TRAPPC6B: variants seen among roughly 807,000 people sequenced by gnomAD.
The protein encoded by TRAPPC6B is TRAPP complex subunit 6B.
TRAPPC6B carries 27 observed loss-of-function variants against 24.7 expected under a neutral mutation model. The observed-to-expected ratio is 1.09, with a 90% CI of 0.81 to 1.51. The LOEUF (loss-of-function observed/expected upper bound fraction) is 1.51. Ranked by LOEUF, TRAPPC6B falls within the 40% of genes most tolerant of loss-of-function variation. The pLI, the probability that TRAPPC6B is intolerant of heterozygous loss-of-function variation, is 0.00. For missense variants in TRAPPC6B, 212 were observed against 190.8 expected, an observed-to-expected ratio of 1.11 and a Z score of -0.66; for synonymous variants, 80 against 66.6, an observed-to-expected ratio of 1.20 and a Z score of -0.98.
intron 1 of TRAPPC6B, among the ~76,000 whole-genome samples, chr14:39,168,297 T>C (rs1033115823): frequency 1.3e-5 from 2 of 151,100 alleles, no homozygotes; most frequent in East Asian, 1.9e-4. Flanking sequence ...CGCAAGTGGT[T>C]TGGGGGGATC....
At chr14:39,169,502 A>G (rs534707731) in intron 1 of TRAPPC6B, among the ~76,000 whole-genome samples, 5 of 152,350 alleles carry the variant, frequency 3.3e-5, no homozygotes, top group Non-Finnish European at 1.5e-5. Flanking sequence ...TAATTAATTT[A>G]AATTATGTTC....
chr14:39,166,123 A>G (rs1405467136), intron 1 of TRAPPC6B, among the ~76,000 whole-genome samples: 1 of 151,598 alleles, frequency 6.6e-6, no homozygotes, highest in Non-Finnish European at 1.5e-5. Flanking sequence ...TTATTTAAAT[A>G]GAGACACTGT....
intron 3 of TRAPPC6B, chr14:39,157,817 A>G: frequency 4.6e-6 from 1 of 218,012 alleles, no homozygotes; most frequent in Non-Finnish European, 9.4e-6. Flanking sequence ...GTCAAGCAGG[A>G]AAAGGCAAAG....
At chr14:39,154,900 C>T (rs1342650606) in intron 3 of TRAPPC6B, among the ~76,000 whole-genome samples, 1 of 152,128 alleles carries the variant, frequency 6.6e-6, no homozygotes, top group African/African-American at 2.4e-5. Context: ...ATCATTAATA[C>T]ATGTCCACAT....
chr14:39,158,262 T>C lies in TRAPPC6B; in HGVS notation c.267+23A>G, dbSNP rs375076686. On this transcript the variant is annotated intron_variant, in intron 3 of 5. Transcript: ENST00000330149. ...TATCAAGTTAAAGGACTTTAAAATA[T>C]AGGCCTTAATTAATTTAATTACCTG... 1.3e-5 allele frequency: 16 copies of C among 1,247,044 alleles called. No individual in the cohort carries two copies. In the African/African-American group the frequency reaches 2.0e-4, roughly 15 times the overall value. 77.2% of individuals were successfully genotyped at this position (1,247,044 alleles called of 1,614,324 possible). A position where few individuals can be genotyped will look rare whatever the true frequency, so the allele number is the denominator to read the frequency against.
chr14:39,154,151 T>C, intron 4 of TRAPPC6B, 60 bp downstream of exon 4: 2 of 1,037,174 alleles, frequency 1.9e-6, no homozygotes, highest in East Asian at 2.4e-5. Context: ...TGATTAGCAC[T>C]GTACTTTTCC....
intron 4 of TRAPPC6B, among the ~76,000 whole-genome samples, chr14:39,152,290 G>C (rs1312434592): frequency 1.3e-5 from 2 of 152,184 alleles, no homozygotes; most frequent in African/African-American, 4.8e-5. Context: ...CTTACAAGCA[G>C]AATTTCTTTC....
intron 1 of TRAPPC6B, among the ~76,000 whole-genome samples, chr14:39,164,746 AG>A (rs975666801): frequency 2.0e-5 from 3 of 152,298 alleles, no homozygotes; most frequent in South Asian, 4.2e-4. Flanking sequence ...CTGAGGTAGG[AG>A]GATGGCTTGA....
rs377712437 is a variant in TRAPPC6B at position 39,151,712 on chromosome 14, T to C, written c.445+34A>G. 2.6e-5 allele frequency: 38 copies of C among 1,466,412 alleles called. No homozygotes were observed. In the African/African-American group the frequency reaches 4.2e-4, roughly 16 times the overall value. 90.8% of individuals were successfully genotyped at this position (1,466,412 alleles called of 1,614,324 possible). A position where few individuals can be genotyped will look rare whatever the true frequency, so the allele number is the denominator to read the frequency against. On this transcript the variant is annotated intron_variant, in intron 5 of 5. Transcript: ENST00000330149. ...AAAAACAGACCTGAAAACAAATTAC[T>C]AAAACATTTGTAAGAAAGGCGAATT...
intron 5 of TRAPPC6B, among the ~76,000 whole-genome samples, chr14:39,150,724 A>G (rs908715259): frequency 2.1e-4 from 32 of 152,056 alleles, no homozygotes; most frequent in African/African-American, 7.5e-4. Context: ...TTTTTAGTAG[A>G]GACAGGGTTT....
chr14:39,158,664 G>A, intron 2 of TRAPPC6B: 2 of 331,898 alleles, frequency 6.0e-6, no homozygotes, highest in Non-Finnish European at 1.1e-5. Flanking sequence ...TGAGACCACA[G>A]GCACATGTCA....
At chr14:39,151,389 CAAAAA>C (rs11288695) in intron 5 of TRAPPC6B, among the ~76,000 whole-genome samples, 8 of 78,734 alleles carry the variant, frequency 1.0e-4, no homozygotes, top group African/African-American at 3.8e-4. Flanking sequence ...GACTCCGTCT[CAAAAA>C]AAAAAAAAAA....
intron 4 of TRAPPC6B, among the ~76,000 whole-genome samples, chr14:39,153,184 C>G (rs1284548785): frequency 2.0e-5 from 3 of 146,620 alleles, no homozygotes; most frequent in African/African-American, 7.6e-5. Flanking sequence ...CCCAGCTACT[C>G]AGGAGGCTGA....
In TRAPPC6B at chr14:39,149,823, C is replaced by T. The variant is rs1325127788; in HGVS notation, c.*527G>A. On this transcript the variant is annotated 3_prime_UTR_variant, in exon 6 of 6. Coordinates refer to ENST00000330149, the MANE Select transcript of TRAPPC6B (RefSeq NM_001079537.2). Reference sequence around the variant, plus strand: ...AAATTAAATTTATAAACAATTTAGGCAGTCATATATGTATTTATATATACA... The same window carrying T: ...AAATTAAATTTATAAACAATTTAGGTAGTCATATATGTATTTATATATACA... 1 of 151,976 alleles carries T rather than the reference C, an allele frequency of 6.6e-6. No homozygotes were observed. Among genetic ancestry groups the T allele is most frequent in the African/African-American group, 2.4e-5 (1 of 41,356 alleles). 9.4% of individuals were successfully genotyped at this position (151,976 alleles called of 1,614,324 possible). A position where few individuals can be genotyped will look rare whatever the true frequency, so the allele number is the denominator to read the frequency against.
intron 1 of TRAPPC6B, among the ~76,000 whole-genome samples, chr14:39,163,968 ACCCCTGTGCT>A (rs1380367901): frequency 1.3e-5 from 2 of 150,470 alleles, no homozygotes; most frequent in Non-Finnish European, 2.9e-5. Flanking sequence ...CATTTTCTTC[ACCCCTGTGCT>A]CCCAACCCCC....
intron 1 of TRAPPC6B, among the ~76,000 whole-genome samples, chr14:39,163,366 A>T (rs8021225): frequency 7.0e-6 from 1 of 142,332 alleles, no homozygotes; most frequent in Non-Finnish European, 1.5e-5. Context: ...GCGAGACTTC[A>T]TCACCAGAAA....
At chr14:39,152,667 G>A (rs1316757450) in intron 4 of TRAPPC6B, among the ~76,000 whole-genome samples, 1 of 152,144 alleles carries the variant, frequency 6.6e-6, no homozygotes, top group Non-Finnish European at 1.5e-5. Context: ...CATCCCAAGA[G>A]TTCTTAATCG....
In TRAPPC6B at chr14:39,149,014, A is replaced by G. The variant is rs2052886737; in HGVS notation, c.*1336T>C. 5.8e-6 allele frequency: 2 copies of G among 345,334 alleles called. No homozygotes were observed. The highest frequency in any genetic ancestry group is 8.6e-5 in the East Asian group (2 of 23,366). The allele number at this position is 345,334 out of a possible 1,614,324, so 21.4% of individuals were successfully genotyped here. ...GGTACAGTAAAAATACAGTATTGTA[A>G]TCTTATGGAACCACTGCCATATATG... On this transcript the variant is annotated 3_prime_UTR_variant, in exon 6 of 6. Coordinates refer to ENST00000330149, the MANE Select transcript of TRAPPC6B (RefSeq NM_001079537.2).
At chr14:39,163,491 T>C (rs1045431981) in intron 1 of TRAPPC6B, among the ~76,000 whole-genome samples, 2 of 150,932 alleles carry the variant, frequency 1.3e-5, no homozygotes, top group Non-Finnish European at 2.9e-5. Flanking sequence ...CTAATCAGCT[T>C]TAACAAACCT....
Sources: allele counts gnomAD v4.1 joint callset (sites outside exome capture counted in the v4.1 genomes callset), GRCh38; gene constraint gnomAD v4.1.1; transcripts MANE v1.5; gene names NCBI Gene and HGNC (gene_info 2026-07-23, HGNC 2026-07-21).